Variants in NLRC3 observed in about 807,000 individuals in gnomAD.
NLRC3 encodes NLR family CARD domain containing 3, also known as NLR family CARD domain-containing protein 3.
A neutral mutation model predicts 91.6 loss-of-function variants in NLRC3; 87 were observed. The observed-to-expected ratio is 0.95, with a 90% CI of 0.80 to 1.14. The LOEUF (loss-of-function observed/expected upper bound fraction) is 1.14. Ranked by LOEUF, NLRC3 falls within the 50% of genes most tolerant of loss-of-function variation. NLRC3 has a pLI of 0.00. For missense variants in NLRC3, 1,577 were observed against 1,418.6 expected, an observed-to-expected ratio of 1.11 and a Z score of -1.79; for synonymous variants, 694 against 625.3, an observed-to-expected ratio of 1.11 and a Z score of -1.64.
At chr16:3,547,357 T>C (rs186475551) in intron 15 of NLRC3, among the ~76,000 whole-genome samples, 4 of 152,248 alleles carry the variant, frequency 2.6e-5, no homozygotes, top group African/African-American at 7.2e-5. Context: ...TTATATGCGG[T>C]GTCCAGGGTA....
At chr16:3,548,047 T>C in intron 15 of NLRC3, 88 bp downstream of exon 15, 2 of 846,398 alleles carry the variant, frequency 2.4e-6, no homozygotes, top group Non-Finnish European at 1.9e-6. Flanking sequence ...GGTCACTGGA[T>C]TGAGCCTCTG....
intron 3 of NLRC3, 43 bp from the exon 4 acceptor site, chr16:3,565,103 A>C: frequency 6.7e-7 from 1 of 1,482,298 alleles, no homozygotes; most frequent in Non-Finnish European, 9.2e-7. Context: ...CGTGCCCCCC[A>C]TCCAGCAGCC....
chr16:3,543,268 G>C, intron 17 of NLRC3, 157 bp downstream of exon 17: 1 of 635,968 alleles, frequency 1.6e-6, no homozygotes, highest in Admixed American at 2.4e-5. Flanking sequence ...CCAGGGAAAG[G>C]CATGAAGTGG....
intron 1 of NLRC3, among the ~76,000 whole-genome samples, chr16:3,574,029 TTTTTTTTTTTTG>T (rs2040193869): frequency 7.4e-6 from 1 of 135,568 alleles, no homozygotes; most frequent in Admixed American, 7.3e-5. Flanking sequence ...TTTTTTTTTT[TTTTTTTTTTTTG>T]AGATAGAGTC....
Position 3,564,273 on chromosome 16 carries a change from C to T in NLRC3, c.664G>A (p.Asp222Asn), listed in dbSNP as rs1296940664. The stretch of plus-strand genomic sequence containing the variant: ...AAGTCCAGAGGCGTCCTGCACTCAT[C>T]CAAGCCGTCCAGGATCAGGAGGGCC... ...ARALLILDGL[D>N]ECRTPLDFSN... The change falls in exon 5 of 20, where the codon GAT (aspartate) becomes AAT (asparagine). Residue 222 changes from aspartate (D) to asparagine (N), a missense_variant. By Grantham distance (23) the Asp-to-Asn change is conservative. Transcript: ENST00000359128. This position sits in a 1 kb window ranked among gnomAD's most constrained non-coding sequence, Gnocchi z 5.9. The T allele has an allele frequency of 1.2e-6, 2 of 1,612,160 alleles. No individual in the cohort carries two copies. The highest frequency in any genetic ancestry group is 3.3e-5 in the Admixed American group (2 of 59,902).
chr16:3,552,445 A>G (rs960405990), intron 9 of NLRC3, among the ~76,000 whole-genome samples, 166 bp from the exon 10 acceptor site: 2 of 152,138 alleles, frequency 1.3e-5, no homozygotes, highest in Non-Finnish European at 2.9e-5. Flanking sequence ...TGCCTAAGTG[A>G]TAATGGACCA....
intron 8 of NLRC3, among the ~76,000 whole-genome samples, chr16:3,556,673 T>G (rs567576840): frequency 9.2e-5 from 14 of 152,138 alleles, no homozygotes; most frequent in Non-Finnish European, 1.9e-4. Context: ...CCAGCTAATT[T>G]TTGTTTTTTA....
At chr16:3,551,809 A>C in intron 10 of NLRC3, among the ~76,000 whole-genome samples, 1 of 150,718 alleles carries the variant, frequency 6.6e-6, no homozygotes, top group Non-Finnish European at 1.5e-5. Context: ...TTATCCATTC[A>C]TTCACCCATC....
rs560801751 is a variant in NLRC3 at position 3,543,178 on chromosome 16, C to A, written c.2939+247G>T. 4.6e-4 allele frequency: 238 copies of A among 517,832 alleles called. 1 individual carries two copies. Among genetic ancestry groups the A allele is most frequent in the Non-Finnish European group, 5.8e-4 (165 of 286,076 alleles). 32.1% of individuals were successfully genotyped at this position (517,832 alleles called of 1,614,324 possible). ...TGCCCAGAGAACAAGATCAGCCCCC[C>A]TGGGACCCATAAACCAGGCCTCTAG... On this transcript the variant is annotated intron_variant, in intron 17 of 19. Transcript: ENST00000359128.
Position 3,565,018 on chromosome 16 carries a change from G to T in NLRC3, c.19C>A (p.Arg7=), listed in dbSNP as rs777729538. 1.2e-6 allele frequency: 2 copies of T among 1,609,714 alleles called. No individual in the cohort carries two copies. Among genetic ancestry groups the T allele is most frequent in the Non-Finnish European group, 1.7e-6 (2 of 1,179,652 alleles). The change falls in exon 4 of 20, where the codon CGG becomes AGG. Residue 7 remains arginine, a synonymous_variant. Coordinates refer to ENST00000359128, the MANE Select transcript of NLRC3 (RefSeq NM_178844.4). ...CCCTGGCCGGCCTCCCTGCCCGTCC[G>T]CACCTCTTGCTTCCTCATGGAGTCG... The part of the protein sequence containing the change: MRKQEV[R]TGREAGQGHG...
At chr16:3,551,334 AC>A (rs1271388883) in intron 10 of NLRC3, among the ~76,000 whole-genome samples, 1 of 149,860 alleles carries the variant, frequency 6.7e-6, no homozygotes, top group Non-Finnish European at 1.5e-5. Context: ...TTATCCATCC[AC>A]TCATCCATTC....
chr16:3,566,049 CAAAAT>C (rs371920882), intron 2 of NLRC3, among the ~76,000 whole-genome samples: 162 of 55,008 alleles, frequency 2.9e-3, no homozygotes, highest in African/African-American at 0.011. Context: ...CTAAGAAAAA[CAAAAT>C]AAAACAAAAA....
chr16:3,564,066 C>G lies in NLRC3; in HGVS notation c.871G>C (p.Glu291Gln). Residue 291 changes from glutamate to glutamine, a missense_variant, in exon 5 of 20, where the codon GAG becomes CAG. Physicochemically the swap from Glu to Gln is conservative, Grantham distance 29. Coordinates refer to ENST00000359128, the MANE Select transcript of NLRC3 (RefSeq NM_178844.4). This position sits in a 1 kb window ranked among gnomAD's most constrained non-coding sequence, Gnocchi z 5.9. ...DRMTEIRGFN[E>Q]EEIKVCLEQM... ...TCCAAACACACCTTGATCTCCTCCT[C>G]GTTAAAGCCCCGGATCTCCGTCATC... 2 of 1,613,216 alleles carry G rather than the reference C, an allele frequency of 1.2e-6. No individual in the cohort carries two copies. The highest frequency in any genetic ancestry group is 1.7e-6 in the Non-Finnish European group (2 of 1,179,892).
At chr16:3,543,285 G>A in intron 17 of NLRC3, 140 bp downstream of exon 17, 1 of 676,806 alleles carries the variant, frequency 1.5e-6, no homozygotes, top group Non-Finnish European at 2.6e-6. Flanking sequence ...GTGGGGCTGG[G>A]AAACTGGTAT....
chr16:3,564,381 CG>C lies in NLRC3; in HGVS notation c.555del (p.His185GlnfsTer32). 1 of 1,612,468 alleles carries C rather than the reference CG, an allele frequency of 6.2e-7. No individual in the cohort carries two copies. Among genetic ancestry groups the C allele is most frequent in the South Asian group, 1.1e-5 (1 of 91,080 alleles). ...LPLTFRDLNT[H>X]EKLCADRLIC... ...ATGAGTCGGTCGGCACACAGCTTCTCGTGGGTGTTGAGATCCCGGAAGGTCA... is the reference window on the plus strand; with the variant it reads ...ATGAGTCGGTCGGCACACAGCTTCTCTGGGTGTTGAGATCCCGGAAGGTCA... On this transcript the variant is annotated frameshift_variant, in exon 5 of 20. Coordinates refer to ENST00000359128, the MANE Select transcript of NLRC3 (RefSeq NM_178844.4). LOFTEE classifies it high-confidence loss of function. This position sits in a 1 kb window ranked among gnomAD's most constrained non-coding sequence, Gnocchi z 5.9.
At chr16:3,550,522 G>A (rs772965998) in intron 10 of NLRC3, 25 bp from the exon 11 acceptor site, 9 of 1,556,246 alleles carry the variant, frequency 5.8e-6, no homozygotes, top group African/African-American at 1.4e-5. Flanking sequence ...ATATGGATGA[G>A]CCAGCCTCTG....
chr16:3,568,285 C>T (rs932907399), intron 1 of NLRC3, among the ~76,000 whole-genome samples: 13 of 152,146 alleles, frequency 8.5e-5, no homozygotes, highest in Non-Finnish European at 1.3e-4. Flanking sequence ...GTAAGGAGTG[C>T]GATCAATTTG....
In NLRC3 at chr16:3,541,898, A is replaced by T. The variant is rs368804582; in HGVS notation, c.3125T>A (p.Ile1042Asn). The T allele has an allele frequency of 6.2e-7, 1 of 1,609,452 alleles. No homozygotes were observed. The highest frequency in any genetic ancestry group is 1.7e-5 in the Admixed American group (1 of 59,748). The change falls in exon 20 of 20, where the codon ATT (isoleucine) becomes AAT (asparagine). Residue 1042 changes from isoleucine (I) to asparagine (N), a missense_variant. Transcript: ENST00000359128. ...GATCATCCTGGCCCCGGAGTCCCCA[A>T]TGTGGTTTCCCTGGAGACTAGAAGA... ...LQHINLQGNH[I>N]GDSGARMISE...
At chr16:3,544,177 AAAG>A in intron 16 of NLRC3, 66 bp downstream of exon 16, 1 of 933,984 alleles carries the variant, frequency 1.1e-6, no homozygotes, top group African/African-American at 1.7e-5. Context: ...AAAAAAAAAA[AAAG>A]ACCTCTAACG....
Sources: allele counts gnomAD v4.1 joint callset (sites outside exome capture counted in the v4.1 genomes callset), GRCh38; gene constraint gnomAD v4.1.1; non-coding constraint Gnocchi (gnomAD v3.1); transcripts MANE v1.5; gene names NCBI Gene and HGNC (gene_info 2026-07-23, HGNC 2026-07-21).